FHIT: variants seen among roughly 807,000 people sequenced by gnomAD.
The protein encoded by FHIT is fragile histidine triad diadenosine triphosphatase.
In FHIT, 19 loss-of-function variants were observed where a neutral mutation model predicts 17.9. The observed-to-expected ratio is 1.06, with a 90% CI of 0.74 to 1.56. FHIT has a LOEUF of 1.56. Among genes scored for constraint, FHIT ranks in the 40% most tolerant of loss-of-function variants. The pLI, the probability that FHIT is intolerant of heterozygous loss-of-function variation, is 0.00. For missense variants in FHIT, 248 were observed against 189.2 expected, an observed-to-expected ratio of 1.31 and a Z score of -1.82; for synonymous variants, 81 against 69.7, an observed-to-expected ratio of 1.16 and a Z score of -0.81.
At chr3:61,250,731 G>T (rs888036331) in intron 1 of FHIT, among the ~76,000 whole-genome samples, 5 of 151,912 alleles carry the variant, frequency 3.3e-5, no homozygotes, top group African/African-American at 1.2e-4. Flanking sequence ...TAAAATAAGT[G>T]TAAGAAAGTC....
At chr3:60,368,638 C>T (rs959457170) in intron 5 of FHIT, among the ~76,000 whole-genome samples, 1 of 151,930 alleles carries the variant, frequency 6.6e-6, no homozygotes, top group East Asian at 1.9e-4. Flanking sequence ...ATTTTCTCAA[C>T]TGGGTCTTTT....
At chr3:60,562,406 G>C (rs933288325) in intron 4 of FHIT, among the ~76,000 whole-genome samples, 15 of 152,180 alleles carry the variant, frequency 9.9e-5, no homozygotes, top group African/African-American at 3.6e-4. Flanking sequence ...ACTGTTGTTT[G>C]AGATAAATTG....
At chr3:60,525,888 A>G (rs374584462) in intron 5 of FHIT, among the ~76,000 whole-genome samples, 1 of 152,022 alleles carries the variant, frequency 6.6e-6, no homozygotes, top group East Asian at 1.9e-4. Context: ...AGATTGCTTG[A>G]GCTCAGGAGT....
intron 4 of FHIT, among the ~76,000 whole-genome samples, chr3:60,549,063 G>C (rs115834450): frequency 2.0e-5 from 3 of 152,284 alleles, no homozygotes; most frequent in African/African-American, 7.2e-5. Context: ...ATAAGTGCTA[G>C]TCACAATATT....
At chr3:59,936,012 C>T (rs1183890177) in intron 7 of FHIT, among the ~76,000 whole-genome samples, 1 of 152,108 alleles carries the variant, frequency 6.6e-6, no homozygotes, top group South Asian at 2.1e-4. Context: ...TCTTGTGTTT[C>T]TAGCCTCACA....
At chr3:60,899,492 T>C (rs1207555490) in intron 3 of FHIT, among the ~76,000 whole-genome samples, 1 of 152,206 alleles carries the variant, frequency 6.6e-6, no homozygotes, top group Non-Finnish European at 1.5e-5. Context: ...TCAAGATTAA[T>C]AAACCTTTGC....
intron 2 of FHIT, among the ~76,000 whole-genome samples, chr3:61,065,268 A>AACACACACAC (rs57357848): frequency 8.1e-5 from 12 of 148,336 alleles, no homozygotes; most frequent in African/African-American, 2.5e-4. Flanking sequence ...AGTCATTTTC[A>AACACACACAC]ACACACACAC....
intron 1 of FHIT, among the ~76,000 whole-genome samples, chr3:61,247,178 T>C (rs902175686): frequency 3.9e-5 from 6 of 152,158 alleles, no homozygotes; most frequent in African/African-American, 1.4e-4. Context: ...AAAATATGTT[T>C]AGGATACTGA....
chr3:60,624,888 G>C (rs1176507981), intron 4 of FHIT, among the ~76,000 whole-genome samples: 1 of 141,308 alleles, frequency 7.1e-6, no homozygotes, highest in African/African-American at 2.7e-5. Flanking sequence ...TATTTGGCTT[G>C]TTTCTAGTTT....
chr3:60,971,292 C>G (rs574859970), intron 3 of FHIT, among the ~76,000 whole-genome samples: 1 of 152,250 alleles, frequency 6.6e-6, no homozygotes, highest in South Asian at 2.1e-4. Context: ...ATCACTTGAA[C>G]CCGGGAGGTT....
At chr3:60,541,067 A>C (rs962238704) in intron 4 of FHIT, among the ~76,000 whole-genome samples, 1 of 152,204 alleles carries the variant, frequency 6.6e-6, no homozygotes, top group African/African-American at 2.4e-5. Context: ...GACCAAACCC[A>C]ACTATCCTCC....
intron 5 of FHIT, among the ~76,000 whole-genome samples, chr3:60,450,022 AG>A (rs2031623362): frequency 6.9e-6 from 1 of 144,232 alleles, no homozygotes; most frequent in Non-Finnish European, 1.5e-5. Flanking sequence ...AAAAAAAAAA[AG>A]GCATAAAAGG....
intron 5 of FHIT, among the ~76,000 whole-genome samples, chr3:60,101,123 G>T (rs60287158): frequency 1.4e-4 from 21 of 152,102 alleles, no homozygotes; most frequent in Admixed American, 1.2e-3. Flanking sequence ...GCCGGCCCCC[G>T]CTCCCTATTC....
chr3:60,378,558 C>T (rs1334181020), intron 5 of FHIT, among the ~76,000 whole-genome samples: 1 of 152,040 alleles, frequency 6.6e-6, no homozygotes, highest in East Asian at 1.9e-4. Context: ...AGATAATGTG[C>T]CAAGTCCTAT....
intron 5 of FHIT, among the ~76,000 whole-genome samples, chr3:60,175,725 TAA>T (rs1278015879): frequency 6.6e-6 from 1 of 152,136 alleles, no homozygotes; most frequent in East Asian, 1.9e-4. Flanking sequence ...CTACCTCCTC[TAA>T]AAATTAGGAT....
intron 8 of FHIT, among the ~76,000 whole-genome samples, chr3:59,760,488 C>G (rs1478197371): frequency 6.6e-6 from 1 of 151,550 alleles, no homozygotes; most frequent in African/African-American, 2.4e-5. Flanking sequence ...TTGGAACATG[C>G]TATGTACCCT....
At chr3:59,762,148 C>T (rs1338608530) in intron 8 of FHIT, among the ~76,000 whole-genome samples, 2 of 152,106 alleles carry the variant, frequency 1.3e-5, no homozygotes, top group African/African-American at 2.4e-5. Flanking sequence ...CATGGCTACA[C>T]TGGACAAAGG....
intron 3 of FHIT, among the ~76,000 whole-genome samples, chr3:60,827,007 A>T (rs2736747): frequency 0.3 from 45,072 of 151,830 alleles, 7,347 homozygotes; most frequent in African/African-American, 0.41. Flanking sequence ...CCCCACAAAA[A>T]GAAAACTTTG....
intron 8 of FHIT, among the ~76,000 whole-genome samples, chr3:59,908,844 A>ATTTTTTTTTTTTTTTTTTTTTT (rs1359496474): frequency 6.6e-6 from 1 of 150,636 alleles, no homozygotes; most frequent in African/African-American, 2.4e-5. Flanking sequence ...AGAACATTTC[A>ATTTTTTTTTTTTTTTTTTTTTT]TTTTTTAATA....
Sources: gnomAD v4.1 joint callset for allele counts (sites outside exome capture counted in the v4.1 genomes callset) on GRCh38, gnomAD v4.1.1 for gene constraint, MANE v1.5 for transcripts, NCBI Gene and HGNC (gene_info 2026-07-23, HGNC 2026-07-21) for gene names.